Variants in KIRREL3 observed in about 807,000 individuals in gnomAD.
KIRREL3 encodes the protein kirre like nephrin family adhesion molecule 3, also known as kin of IRRE-like protein 3.
KIRREL3 carries 36 observed loss-of-function variants against 89.7 expected under a neutral mutation model. The ratio of observed to expected loss-of-function variants is 0.40; its 90% CI spans 0.31 to 0.53. The LOEUF is 0.53. Ranked by LOEUF, KIRREL3 falls within the 20% of genes least tolerant of loss-of-function variation. The pLI is 0.49. For missense variants in KIRREL3, 864 were observed against 1,056.6 expected, an observed-to-expected ratio of 0.82 and a Z score of 2.53; for synonymous variants, 445 against 441.4, an observed-to-expected ratio of 1.01 and a Z score of -0.10.
chr11:126,784,045 G>T (rs907804619), intron 1 of KIRREL3, among the ~76,000 whole-genome samples: 12 of 152,106 alleles, frequency 7.9e-5, no homozygotes, highest in East Asian at 5.8e-4. Context: ...AAGACACCTG[G>T]CCAGTACTCC....
chr11:126,822,200 A>G (rs1465246357), intron 1 of KIRREL3, among the ~76,000 whole-genome samples: 1 of 152,252 alleles, frequency 6.6e-6, no homozygotes, highest in Admixed American at 6.5e-5. Flanking sequence ...GGAATTGCCT[A>G]GTACACATGA....
chr11:126,446,201 A>G (rs913793593), intron 9 of KIRREL3, among the ~76,000 whole-genome samples: 21 of 151,638 alleles, frequency 1.4e-4, no homozygotes, highest in Non-Finnish European at 2.6e-4. Flanking sequence ...CCCAAGTCCA[A>G]GGCTAACGGT....
intron 1 of KIRREL3, among the ~76,000 whole-genome samples, chr11:126,856,242 A>C (rs926984093): frequency 6.6e-6 from 1 of 152,154 alleles, no homozygotes; most frequent in African/African-American, 2.4e-5. Flanking sequence ...ATACAAACAC[A>C]TAACCAGGAT....
In KIRREL3 at chr11:126,835,858, C is replaced by G. The variant is rs372520651; in HGVS notation, c.55+164597G>C. ...AGGGTGGGGGCTTTGGCTCTCGAGG[C>G]ACCAGTGCACTAGAGACTGAGATCA... On this transcript the variant is annotated intron_variant, in intron 1 of 16. Transcript: ENST00000525144. Among the ~76,000 whole-genome samples, 181 of 152,302 alleles carry G rather than the reference C, an allele frequency of 1.2e-3. 3 individuals are homozygous for G. In the South Asian group the frequency reaches 0.036, roughly 30 times the overall value.
intron 1 of KIRREL3, among the ~76,000 whole-genome samples, chr11:126,966,180 C>T (rs1949263760): frequency 2.0e-5 from 3 of 152,080 alleles, no homozygotes; most frequent in Non-Finnish European, 1.5e-5. Context: ...GTAAGTGATA[C>T]CAATATGATC....
chr11:126,628,103 A>T lies in KIRREL3; in HGVS notation c.56-65191T>A, dbSNP rs1943868368. On this transcript the variant is annotated intron_variant, in intron 1 of 16. Transcript: ENST00000525144. The surrounding 1 kb of genome is among the most constrained non-coding windows in gnomAD (Gnocchi z 5.2). ...AGAAATCAAGCCAGGGCATGGTTGT[A>T]ATTTGGGGCTATCAGAGAGAAGTCT... Among the ~76,000 whole-genome samples, 1 of 152,194 alleles carries T rather than the reference A, an allele frequency of 6.6e-6. No homozygotes were observed. Among genetic ancestry groups the T allele is most frequent in the African/African-American group, 2.4e-5 (1 of 41,460 alleles).
intron 1 of KIRREL3, among the ~76,000 whole-genome samples, chr11:126,893,550 C>T (rs1029613147): frequency 8.5e-5 from 13 of 152,178 alleles, no homozygotes; most frequent in East Asian, 3.9e-4. Context: ...AACATTGAAC[C>T]GGCCACCTGA....
rs1937982437 is a variant in KIRREL3, at chr11:126,537,370, A to G, written c.134-10683T>C. Among the ~76,000 whole-genome samples the G allele has an allele frequency of 6.6e-6, 1 of 152,212 alleles. No homozygotes were observed. The highest frequency in any genetic ancestry group is 1.5e-5 in the Non-Finnish European group (1 of 68,038). ...TAAAGTGGTCTCATAGAGAAGTCAT[A>G]TAAAGCTTTTCAGGGGTTTAAGAGA... On this transcript the variant is annotated intron_variant, in intron 2 of 16. Coordinates refer to ENST00000525144, the MANE Select transcript of KIRREL3 (RefSeq NM_032531.4). The surrounding 1 kb of genome is among the most constrained non-coding windows in gnomAD (Gnocchi z 4.3).
At chr11:126,974,818 A>C (rs897594020) in intron 1 of KIRREL3, among the ~76,000 whole-genome samples, 1 of 152,020 alleles carries the variant, frequency 6.6e-6, no homozygotes, top group Admixed American at 6.6e-5. Flanking sequence ...TCTTCCTCCC[A>C]CCTCAGCCTC....
At chr11:126,446,298 CTT>C (rs1427340656) in intron 9 of KIRREL3, among the ~76,000 whole-genome samples, 1 of 147,786 alleles carries the variant, frequency 6.8e-6, no homozygotes, top group Non-Finnish European at 1.5e-5. Context: ...TTCTTTCTTT[CTT>C]TCTCTCTCTC....
Position 126,431,122 on chromosome 11 carries a change from A to G in KIRREL3, c.1696+297T>C, listed in dbSNP as rs1955111193. Reference sequence around the variant, plus strand: ...CAAACCACAAACCGCTTTTCCCCCTATCTTTCTGTACAGTTCCTGACTGAA... The same window carrying G: ...CAAACCACAAACCGCTTTTCCCCCTGTCTTTCTGTACAGTTCCTGACTGAA... On this transcript the variant is annotated intron_variant, in intron 14 of 16. Transcript: ENST00000525144. This position sits in a 1 kb window ranked among gnomAD's most constrained non-coding sequence, Gnocchi z 7.1. 7.1e-7 allele frequency: 1 copy of G among 1,412,526 alleles called. No homozygotes were observed. The highest frequency in any genetic ancestry group is 2.6e-4 in the Middle Eastern group (1 of 3,834). 87.5% of individuals were successfully genotyped at this position (1,412,526 alleles called of 1,614,324 possible).
At position 126,911,436 on chromosome 11, in the gene KIRREL3, G is replaced by C. The variant is rs576043918; in HGVS notation, c.55+89019C>G. On this transcript the variant is annotated intron_variant, in intron 1 of 16. Transcript: ENST00000525144. Reference sequence around the variant, plus strand: ...CCAATCCAATGTGTACTCTGCTGCAGAGACAGAGCAGGACTCTAGAATCGA... The same window carrying C: ...CCAATCCAATGTGTACTCTGCTGCACAGACAGAGCAGGACTCTAGAATCGA... Among the ~76,000 whole-genome samples, 233 of 152,290 alleles carry C rather than the reference G, an allele frequency of 1.5e-3. 1 individual carries two copies. The highest frequency in any genetic ancestry group is 3.4e-3 in the Middle Eastern group (1 of 294).
Position 126,605,375 on chromosome 11 carries a change from C to T in KIRREL3, c.56-42463G>A, listed in dbSNP as rs1341860787. On this transcript the variant is annotated intron_variant, in intron 1 of 16. Transcript: ENST00000525144. This position sits in a 1 kb window ranked among gnomAD's most constrained non-coding sequence, Gnocchi z 5.7. ...GGAGCAATGGAGCACCCATGGTCTC[C>T]AGGTCTCAGGCCACTTGGGTCTGGG... 3.3e-5 allele frequency among the ~76,000 whole-genome samples: 5 copies of T among 152,182 alleles called. No homozygotes were observed. Among genetic ancestry groups the T allele is most frequent in the African/African-American group, 1.2e-4 (5 of 41,446 alleles).
rs1410605048 is a variant in KIRREL3, at chr11:126,537,090, T to G, written c.134-10403A>C. ...GTTCCAGCAGCAGATTGAGGGGACA[T>G]GACCACTCCCCTTAGGATTAAACCC... On this transcript the variant is annotated intron_variant, in intron 2 of 16. Transcript: ENST00000525144. The surrounding 1 kb of genome is among the most constrained non-coding windows in gnomAD (Gnocchi z 4.3). Among the ~76,000 whole-genome samples, 1 of 152,180 alleles carries G rather than the reference T, an allele frequency of 6.6e-6. No individual in the cohort carries two copies. The highest frequency in any genetic ancestry group is 1.5e-5 in the Non-Finnish European group (1 of 68,032).
intron 1 of KIRREL3, among the ~76,000 whole-genome samples, chr11:126,626,167 CT>C (rs1486874740): frequency 6.6e-6 from 1 of 152,140 alleles, no homozygotes; most frequent in East Asian, 1.9e-4. Context: ...AGGAGGGACC[CT>C]TGGGGGCTTG....
In KIRREL3 at chr11:126,940,850, A is replaced by C. The variant is rs2135110632; in HGVS notation, c.55+59605T>G. 1 of 151,628 alleles carries C rather than the reference A, an allele frequency of 6.6e-6. No individual in the cohort carries two copies. The highest frequency in any genetic ancestry group is 2.1e-4 in the South Asian group (1 of 4,772). 9.4% of individuals were successfully genotyped at this position (151,628 alleles called of 1,614,324 possible). On this transcript the variant is annotated intron_variant, in intron 1 of 16. Coordinates refer to ENST00000525144, the MANE Select transcript of KIRREL3 (RefSeq NM_032531.4). The surrounding 1 kb of genome is among the most constrained non-coding windows in gnomAD (Gnocchi z 4.6). ...GTGTAACAGTATCGCATGAGCCAAG[A>C]CTGTCATGAAACTATTTGGATACTG...
At chr11:126,494,678 C>T (rs1342234136) in intron 4 of KIRREL3, among the ~76,000 whole-genome samples, 1 of 152,240 alleles carries the variant, frequency 6.6e-6, no homozygotes, top group Non-Finnish European at 1.5e-5. Flanking sequence ...AGGGAAGCTG[C>T]CTCTCTATCC....
rs1274829311 is a variant in KIRREL3, at chr11:127,000,607, G to A, written c.-98C>T. On this transcript the variant is annotated 5_prime_UTR_variant, in exon 1 of 17. Transcript: ENST00000525144. This position sits in a 1 kb window ranked among gnomAD's most constrained non-coding sequence, Gnocchi z 7.1. ...GTGCTCAGCCTCCGCCGGTCCTCTC[G>A]GGTTCGCGCCTACCATCTGTCCGTC... The A allele has an allele frequency of 2.3e-6, 3 of 1,304,342 alleles. No homozygotes were observed. The highest frequency in any genetic ancestry group is 3.2e-6 in the Non-Finnish European group (3 of 935,392). The allele number at this position is 1,304,342 out of a possible 1,614,324, so 80.8% of individuals were successfully genotyped here.
chr11:126,457,694 C>A (rs997388125), intron 6 of KIRREL3, among the ~76,000 whole-genome samples: 13 of 152,106 alleles, frequency 8.5e-5, no homozygotes, highest in African/African-American at 2.9e-4. Context: ...GATGGAGAGA[C>A]TGACCTGTTT....
Sources: gnomAD v4.1 joint callset for allele counts (sites outside exome capture counted in the v4.1 genomes callset) on GRCh38, gnomAD v4.1.1 for gene constraint, Gnocchi (gnomAD v3.1) non-coding constraint, MANE v1.5 for transcripts, NCBI Gene and HGNC (gene_info 2026-07-23, HGNC 2026-07-21) for gene names.